PECR: variants seen among roughly 807,000 people sequenced by gnomAD.
PECR encodes the protein 2,4-dienoyl-CoA reductase-related protein.
Under a neutral mutation model 35.3 loss-of-function variants are expected in PECR, and 30 were observed. The observed-to-expected ratio is 0.85, with a 90% CI of 0.64 to 1.15. The LOEUF (loss-of-function observed/expected upper bound fraction) is 1.15, where lower values mean the gene tolerates loss of function less well. Ranked by LOEUF, PECR falls within the 50% of genes most tolerant of loss-of-function variation. The probability of loss-of-function intolerance (pLI) is 0.00; values close to 1 mark genes in which losing one functional copy is unlikely to be tolerated. For missense variants in PECR, 392 were observed against 370.8 expected (o/e 1.06, Z -0.47); for synonymous variants, 148 against 138.9 (o/e 1.07, Z -0.46).
At chr2:216,056,410 G>A (rs1695225640) in intron 4 of PECR, among the ~76,000 whole-genome samples, 1 of 152,048 alleles carries the variant, frequency 6.6e-6, no homozygotes, top group African/African-American at 2.4e-5. Flanking sequence ...AAATACAACA[G>A]AGTAGACCAC....
At position 216,058,920 on chromosome 2, in the gene PECR, T is replaced by C. The variant is rs774844192; in HGVS notation, c.481A>G (p.Thr161Ala). ...ACAGCTAATGGAAATCCAGCTTTAG[T>C]AGGGACAATGATATTGACGATAGAT... ...GGSIVNIIVP[T>A]KAGFPLAVHS... The change falls in exon 4 of 8, where the codon ACT becomes GCT. Residue 161 changes from threonine to alanine, a missense_variant. Physicochemically the swap from Thr to Ala is moderately conservative, Grantham distance 58. Transcript: ENST00000265322. The C allele has an allele frequency of 5.6e-6, 9 of 1,607,020 alleles. No individual in the cohort carries two copies. Among genetic ancestry groups the C allele is most frequent in the African/African-American group, 5.4e-5 (4 of 74,752 alleles).
At chr2:216,064,213 A>G (rs1695418194) in intron 3 of PECR, 1 of 152,146 alleles carries the variant, frequency 6.6e-6, no homozygotes, top group Admixed American at 6.5e-5. Flanking sequence ...GTCTCCCAAT[A>G]CTCATTCTCC....
At chr2:216,031,452 AAAGAG>A (rs1278205251) in intron 7 of PECR, among the ~76,000 whole-genome samples, 5 of 142,166 alleles carry the variant, frequency 3.5e-5, no homozygotes, top group Non-Finnish European at 7.5e-5. Flanking sequence ...AAAAAGAAAG[AAAGAG>A]AGAAAGAAAG....
intron 1 of PECR, among the ~76,000 whole-genome samples, chr2:216,073,339 G>A (rs939589584): frequency 6.6e-6 from 1 of 152,210 alleles, no homozygotes; most frequent in African/African-American, 2.4e-5. Flanking sequence ...TAAAGTGGAA[G>A]TTAAACATTC....
At chr2:216,072,893 G>C (rs1695615622) in intron 1 of PECR, among the ~76,000 whole-genome samples, 1 of 152,162 alleles carries the variant, frequency 6.6e-6, no homozygotes, top group Non-Finnish European at 1.5e-5. Context: ...TAGTGGGTTT[G>C]CTGAATTGAA....
intron 4 of PECR, among the ~76,000 whole-genome samples, chr2:216,052,205 G>A (rs1278849397): frequency 6.6e-6 from 1 of 151,880 alleles, no homozygotes; most frequent in Non-Finnish European, 1.5e-5. Flanking sequence ...TGAAGTATGG[G>A]GTCTTGTGTA....
At chr2:216,057,168 C>T (rs2105955444) in intron 4 of PECR, among the ~76,000 whole-genome samples, 1 of 152,260 alleles carries the variant, frequency 6.6e-6, no homozygotes, top group African/African-American at 2.4e-5. Context: ...TGGCTTTGGA[C>T]TTAGCAATTA....
chr2:216,080,226 T>C (rs1186137313), intron 1 of PECR, among the ~76,000 whole-genome samples: 1 of 151,826 alleles, frequency 6.6e-6, no homozygotes, highest in Non-Finnish European at 1.5e-5. Context: ...GGACTACAGG[T>C]GTACGCCACC....
rs138408075 is a variant in PECR, at chr2:216,058,938, C to T, written c.463G>A (p.Val155Ile). ...SWMKEHGGSI[V>I]NIIVPTKAGF... ...GCTTTAGTAGGGACAATGATATTGA[C>T]GATAGATCCTCCATGCTCTTTCATC... is the stretch of plus-strand genomic sequence containing the variant. Residue 155 changes from valine (V) to isoleucine (I), a missense_variant, in exon 4 of 8, where the codon GTC becomes ATC. Coordinates refer to ENST00000265322, the MANE Select transcript of PECR (RefSeq NM_018441.6). 5.2e-5 allele frequency: 83 copies of T among 1,609,618 alleles called. No homozygotes were observed. Among genetic ancestry groups the T allele is most frequent in the Admixed American group, 5.0e-4 (30 of 60,018 alleles).
At chr2:216,065,221 T>C (rs1000884363) in intron 3 of PECR, 91 bp downstream of exon 3, 9 of 864,764 alleles carry the variant, frequency 1.0e-5, no homozygotes, top group Non-Finnish European at 1.8e-5. Flanking sequence ...AGCCAATAAA[T>C]GTTAATGACA....
intron 7 of PECR, among the ~76,000 whole-genome samples, chr2:216,030,944 T>A (rs867503831): frequency 6.3e-4 from 36 of 57,440 alleles, no homozygotes; most frequent in Middle Eastern, 8.2e-3. Context: ...TCTCTCTCTC[T>A]CTCTCTCTCT....
rs553006173 is a variant in PECR, at chr2:216,079,616, C to G, written c.124+2002G>C. 5.3e-5 allele frequency among the ~76,000 whole-genome samples: 8 copies of G among 151,314 alleles called. No individual in the cohort carries two copies. The South Asian group carries it at 1.7e-3, about 31-fold the overall frequency. ...ACTCTTGACCTTGTGCTCTGCCCGCCTCGGCCTCCCAAAGTGCTGGGATTA... is the reference window on the plus strand; with the variant it reads ...ACTCTTGACCTTGTGCTCTGCCCGCGTCGGCCTCCCAAAGTGCTGGGATTA... On this transcript the variant is annotated intron_variant, in intron 1 of 7. Coordinates refer to ENST00000265322, the MANE Select transcript of PECR (RefSeq NM_018441.6).
At position 216,058,974 on chromosome 2, in the gene PECR, A is replaced by G; in HGVS notation, c.427T>C (p.Tyr143His). ...TGTFYMCKAV[Y>H]SSWMKEHGGS... ...CCATGCTCTTTCATCCAGGAGCTGT[A>G]AACTGCAGGATAGAGGCAAACTCAA... Residue 143 changes from tyrosine (Y) to histidine (H), a missense_variant and splice_region_variant, in exon 4 of 8, where the codon TAC (tyrosine) becomes CAC (histidine). Coordinates refer to ENST00000265322, the MANE Select transcript of PECR (RefSeq NM_018441.6). 1 of 1,595,818 alleles carries G rather than the reference A, an allele frequency of 6.3e-7. No homozygotes were observed. The highest frequency in any genetic ancestry group is 8.6e-7 in the Non-Finnish European group (1 of 1,163,630).
intron 4 of PECR, 55 bp from the exon 5 acceptor site, chr2:216,051,600 G>C: frequency 9.0e-7 from 1 of 1,110,652 alleles, no homozygotes; most frequent in South Asian, 1.2e-5. Flanking sequence ...TATTTCTCTT[G>C]TTCATCAAGC....
chr2:216,030,991 C>CAT (rs1694679317), intron 7 of PECR, among the ~76,000 whole-genome samples: 1 of 151,788 alleles, frequency 6.6e-6, no homozygotes, highest in African/African-American at 2.4e-5. Flanking sequence ...CACACACACA[C>CAT]ACACTCTGTC....
chr2:216,039,423 CA>C (rs1028496607), intron 7 of PECR, 63 bp from the exon 8 acceptor site: 8 of 886,234 alleles, frequency 9.0e-6, no homozygotes, highest in Admixed American at 1.7e-5. Flanking sequence ...TCACTCCCAC[CA>C]AATCCTCTTG....
At chr2:216,064,188 T>G (rs979506366) in intron 3 of PECR, 3 of 152,248 alleles carry the variant, frequency 2.0e-5, no homozygotes, top group African/African-American at 7.2e-5. Flanking sequence ...AAGCTTGGGT[T>G]AGAGACCACT....
intron 1 of PECR, among the ~76,000 whole-genome samples, chr2:216,075,601 T>G (rs1695682255): frequency 6.6e-6 from 1 of 152,240 alleles, no homozygotes; most frequent in Non-Finnish European, 1.5e-5. Flanking sequence ...TTTGTTTATA[T>G]GTAGCTAGAG....
At position 216,031,443 on chromosome 2, in the gene PECR, A is replaced by AG. The variant is rs1559203836; in HGVS notation, c.*440+7747_*440+7748insC. 4.4e-3 allele frequency among the ~76,000 whole-genome samples: 550 copies of AG among 125,610 alleles called. 3 individuals are homozygous for AG. Among genetic ancestry groups the AG allele is most frequent in the African/African-American group, 0.012 (393 of 32,344 alleles). The allele number at this position is 125,610 out of a possible 152,430, so 82.4% of individuals were successfully genotyped here. A position where few individuals can be genotyped will look rare whatever the true frequency, so the allele number is the denominator to read the frequency against. ...AAGAAAGAAAGAAAAGAAAGAAAGA[A>AG]AAAGAAAGAAAGAGAGAAAGAAAGA... is the stretch of plus-strand genomic sequence containing the variant. On this transcript the variant is annotated intron_variant and NMD_transcript_variant, in intron 7 of 7. Coordinates refer to the PECR transcript ENST00000442122.
Sources: allele counts gnomAD v4.1 joint callset (sites outside exome capture counted in the v4.1 genomes callset), GRCh38; gene constraint gnomAD v4.1.1; transcripts MANE v1.5; gene names NCBI Gene and HGNC (gene_info 2026-07-23, HGNC 2026-07-21).